DCAF5: variants seen among roughly 807,000 people sequenced by gnomAD.
DCAF5 encodes the protein DDB1 and CUL4 associated factor 5.
Under a neutral mutation model 80.7 loss-of-function variants are expected in DCAF5, and 9 were observed. That is an observed-to-expected ratio of 0.11 (90% CI 0.07 to 0.19). The LOEUF is 0.19. Among genes scored for constraint, DCAF5 ranks in the 10% least tolerant of loss-of-function variants. The probability of loss-of-function intolerance (pLI) is 1.00; values close to 1 mark genes in which losing one functional copy is unlikely to be tolerated. For synonymous variants in DCAF5, 433 were observed against 461.9 expected, an observed-to-expected ratio of 0.94 and a Z score of 0.80; for missense variants, 842 against 1,205.7, an observed-to-expected ratio of 0.70 and a Z score of 4.47.
At chr14:69,088,706 T>C (rs894867671) in intron 6 of DCAF5, among the ~76,000 whole-genome samples, 3 of 152,194 alleles carry the variant, frequency 2.0e-5, no homozygotes, top group African/African-American at 4.8e-5. Context: ...ACCCAGCCTA[T>C]GACTAAATGA....
chr14:69,088,297 T>C (rs536842184), intron 6 of DCAF5, among the ~76,000 whole-genome samples: 5 of 152,360 alleles, frequency 3.3e-5, no homozygotes, highest in Admixed American at 2.0e-4. Flanking sequence ...GTATGTGTTG[T>C]GACTTGTGAC....
intron 1 of DCAF5, among the ~76,000 whole-genome samples, chr14:69,125,378 C>A (rs1160856121): frequency 6.6e-6 from 1 of 152,208 alleles, no homozygotes; most frequent in Non-Finnish European, 1.5e-5. Context: ...TATAAGAATT[C>A]TTGCAGTGCA....
intron 5 of DCAF5, among the ~76,000 whole-genome samples, chr14:69,094,593 G>C (rs2039638116): frequency 6.6e-6 from 1 of 152,148 alleles, no homozygotes; most frequent in Non-Finnish European, 1.5e-5. Flanking sequence ...CTGAAATCCA[G>C]AAAGTAAGTT....
At chr14:69,136,255 A>G (rs987710939) in intron 1 of DCAF5, among the ~76,000 whole-genome samples, 1 of 151,780 alleles carries the variant, frequency 6.6e-6, no homozygotes, top group Non-Finnish European at 1.5e-5. Context: ...AGTTGAGACT[A>G]CAGGTGCACA....
intron 1 of DCAF5, among the ~76,000 whole-genome samples, chr14:69,127,105 T>C (rs2040901306): frequency 6.6e-6 from 1 of 152,210 alleles, no homozygotes; most frequent in Admixed American, 6.5e-5. Flanking sequence ...AACGTACTCT[T>C]ATCACGCAAT....
chr14:69,118,350 T>G lies in DCAF5; in HGVS notation c.396-72A>C, dbSNP rs756782567. 2 of 1,436,550 alleles carry G rather than the reference T, an allele frequency of 1.4e-6. No individual in the cohort carries two copies. Among genetic ancestry groups the G allele is most frequent in the Admixed American group, 2.1e-5 (1 of 48,664 alleles). The allele number at this position is 1,436,550 out of a possible 1,614,324, so 89.0% of individuals were successfully genotyped here. ...ATAGTGCAGAGTCCCAGCACTTTGG[T>G]ACCGAGGGTGCCATCTTTTCCATTT... On this transcript the variant is annotated intron_variant, in intron 3 of 8. Coordinates refer to ENST00000341516, the MANE Select transcript of DCAF5 (RefSeq NM_003861.3). The surrounding 1 kb of genome is among the most constrained non-coding windows in gnomAD (Gnocchi z 4.0).
chr14:69,068,903 C>G (rs749389656), intron 7 of DCAF5, among the ~76,000 whole-genome samples: 3 of 152,104 alleles, frequency 2.0e-5, no homozygotes, highest in Non-Finnish European at 2.9e-5. Flanking sequence ...GACCACATAA[C>G]TACTTAAGAA....
chr14:69,062,609 A>G, intron 7 of DCAF5, 98 bp from the exon 8 acceptor site: 1 of 1,388,564 alleles, frequency 7.2e-7, no homozygotes, highest in Non-Finnish European at 9.8e-7. Flanking sequence ...GGGAGCAAAG[A>G]TTTTTGGATT....
At chr14:69,065,374 C>T (rs149139885) in intron 7 of DCAF5, among the ~76,000 whole-genome samples, 7,115 of 152,230 alleles carry the variant, frequency 0.047, 262 homozygotes, top group Non-Finnish European at 0.073. Context: ...GGATTACAGG[C>T]GTGAGCCACC....
At chr14:69,148,262 G>A (rs1147478) in intron 1 of DCAF5, among the ~76,000 whole-genome samples, 37,078 of 152,126 alleles carry the variant, frequency 0.24, 5,881 homozygotes, top group Middle Eastern at 0.43. Context: ...GCGTACTACT[G>A]TAACCTCATT....
chr14:69,059,529 C>T (rs1204755978), intron 8 of DCAF5, among the ~76,000 whole-genome samples: 1 of 152,206 alleles, frequency 6.6e-6, no homozygotes, highest in African/African-American at 2.4e-5. Flanking sequence ...ACTGTCAGCA[C>T]CCTCACTTTC....
chr14:69,147,115 A>G (rs1417827563), intron 1 of DCAF5, among the ~76,000 whole-genome samples: 1 of 152,136 alleles, frequency 6.6e-6, no homozygotes, highest in Non-Finnish European at 1.5e-5. Flanking sequence ...GGGAAACAGG[A>G]AATGACCATT....
At chr14:69,138,600 G>C (rs564962642) in intron 1 of DCAF5, among the ~76,000 whole-genome samples, 5 of 152,228 alleles carry the variant, frequency 3.3e-5, no homozygotes, top group Non-Finnish European at 7.3e-5. Flanking sequence ...CCTATTGAGG[G>C]AAAAGGTCAG....
chr14:69,091,196 C>G (rs1279280348), intron 6 of DCAF5: 2 of 706,436 alleles, frequency 2.8e-6, no homozygotes, highest in Non-Finnish European at 5.2e-6. Context: ...CTGGCTCCCT[C>G]TCAAACAAAG....
At chr14:69,096,192 ATTTAT>A (rs1282466686) in intron 5 of DCAF5, among the ~76,000 whole-genome samples, 5 of 152,154 alleles carry the variant, frequency 3.3e-5, no homozygotes, top group Admixed American at 2.6e-4. Flanking sequence ...TCCATTAACC[ATTTAT>A]TTTATGTGAG....
intron 6 of DCAF5, among the ~76,000 whole-genome samples, chr14:69,081,483 T>A (rs1195085330): frequency 1.3e-5 from 2 of 152,206 alleles, no homozygotes; most frequent in Non-Finnish European, 1.5e-5. Context: ...AGCTATTTAC[T>A]GATCTGAATG....
At chr14:69,111,144 T>C (rs376115284) in intron 5 of DCAF5, among the ~76,000 whole-genome samples, 2 of 152,196 alleles carry the variant, frequency 1.3e-5, no homozygotes, top group Admixed American at 6.5e-5. Flanking sequence ...GGGCTTTATT[T>C]TCCTATAATG....
Position 69,055,735 on chromosome 14 carries a change from C to G in DCAF5, c.1075-124G>C. The G allele has an allele frequency of 1.0e-6, 1 of 985,306 alleles. No individual in the cohort carries two copies. The highest frequency in any genetic ancestry group is 1.6e-5 in the African/African-American group (1 of 61,116). 61.0% of individuals were successfully genotyped at this position (985,306 alleles called of 1,614,324 possible). ...CTCCCTGTAATTTAACTAGGACTTG[C>G]TAACCAACTTAAAAATAAGTTCTTT... On this transcript the variant is annotated intron_variant, in intron 8 of 8. Transcript: ENST00000341516. The surrounding 1 kb of genome is among the most constrained non-coding windows in gnomAD (Gnocchi z 5.6).
intron 6 of DCAF5, among the ~76,000 whole-genome samples, chr14:69,088,789 C>A (rs528254286): frequency 3.4e-4 from 51 of 152,102 alleles, no homozygotes; most frequent in African/African-American, 1.2e-3. Context: ...AATATAAAGC[C>A]CAATATAAGG....
Sources: gnomAD v4.1 joint callset for allele counts (sites outside exome capture counted in the v4.1 genomes callset) on GRCh38, gnomAD v4.1.1 for gene constraint, Gnocchi (gnomAD v3.1) non-coding constraint, MANE v1.5 for transcripts, NCBI Gene and HGNC (gene_info 2026-07-23, HGNC 2026-07-21) for gene names.